The following RIPK4 variants were observed in gnomAD, a reference collection of about 807,000 sequenced individuals.
RIPK4 encodes the protein receptor-interacting serine/threonine-protein kinase 4.
A neutral mutation model predicts 42.9 loss-of-function variants in RIPK4; 17 were observed. The observed-to-expected ratio is 0.40, with a 90% CI of 0.27 to 0.59. The LOEUF (loss-of-function observed/expected upper bound fraction) is 0.59, where lower values mean the gene tolerates loss of function less well. RIPK4 is among the 20% of genes least tolerant of loss of function. The pLI is 0.47. For synonymous variants in RIPK4, 498 were observed against 499.1 expected (o/e 1.00, Z 0.03); for missense variants, 897 against 1,104.4 (o/e 0.81, Z 2.66).
chr21:41,740,906 G>A lies in RIPK4; in HGVS notation c.2287C>T (p.Leu763=). Residue 763 remains leucine, a synonymous_variant, in exon 8 of 8, where the codon CTG becomes TTG. Transcript: ENST00000332512. ...CCGCCCTGGAACTTGAGGCTCTGCA[G>A]GTTGATGTGGGCCCCATGCCTGAGC... ...TLLRHGAHIN[L]QSLKFQGGHG... is the part of the protein sequence containing the mutation. 3 of 1,612,550 alleles carry A rather than the reference G, an allele frequency of 1.9e-6. No individual in the cohort carries two copies. The highest frequency in any genetic ancestry group is 2.5e-6 in the Non-Finnish European group (3 of 1,179,790).
rs563318460 is a variant in RIPK4 at position 41,750,387 on chromosome 21, A to C, written c.623+710T>G. ...TGACTTGGGGATTGATCTCTGACCA[A>C]CAAAGGTTAAGTGCCATGAAGAAGA... On this transcript the variant is annotated intron_variant, in intron 3 of 7. Transcript: ENST00000332512. 3.3e-5 allele frequency among the ~76,000 whole-genome samples: 5 copies of C among 152,372 alleles called. No individual in the cohort carries two copies. In the South Asian group the frequency reaches 1.0e-3, roughly 32 times the overall value.
chr21:41,766,325 A>G (rs952224858), intron 1 of RIPK4, among the ~76,000 whole-genome samples: 1 of 152,190 alleles, frequency 6.6e-6, no homozygotes, highest in African/African-American at 2.4e-5. Context: ...GTCTTACACC[A>G]ATTTGTGTTC....
At chr21:41,762,874 C>T (rs1400734421) in intron 1 of RIPK4, among the ~76,000 whole-genome samples, 1 of 152,184 alleles carries the variant, frequency 6.6e-6, no homozygotes, top group African/African-American at 2.4e-5. Flanking sequence ...CAGTCACATT[C>T]GCACCGTCTC....
At position 41,749,573 on chromosome 21, in the gene RIPK4, T is replaced by C. The variant is rs2061182219; in HGVS notation, c.624-370A>G. Among the ~76,000 whole-genome samples, 3 of 152,140 alleles carry C rather than the reference T, an allele frequency of 2.0e-5. No individual in the cohort carries two copies. The South Asian group carries it at 6.2e-4, about 31-fold the overall frequency. On this transcript the variant is annotated intron_variant, in intron 3 of 7. Transcript: ENST00000332512. ...ACAGAGCACCTGCGCAGGCATTTAC[T>C]GAAGAAATGGATGAATGAATGATGG...
intron 1 of RIPK4, among the ~76,000 whole-genome samples, chr21:41,760,765 G>T (rs1003741974): frequency 3.3e-5 from 5 of 152,130 alleles, no homozygotes; most frequent in Admixed American, 6.5e-5. Context: ...TGGGGGGTGT[G>T]GGGGGTGGGC....
rs140754515 is a variant in RIPK4, at chr21:41,742,508, C to G, written c.1196-511G>C. 2.0e-5 allele frequency among the ~76,000 whole-genome samples: 3 copies of G among 152,096 alleles called. No homozygotes were observed. The highest frequency in any genetic ancestry group is 7.2e-5 in the African/African-American group (3 of 41,412). On this transcript the variant is annotated intron_variant, in intron 7 of 7. Transcript: ENST00000332512. This position sits in a 1 kb window ranked among gnomAD's most constrained non-coding sequence, Gnocchi z 5.1. Reference sequence around the variant, plus strand: ...ACCTCCTGACCTGGGGAGGTTAAGTCGGAAGTTTTCTATGATAATCCTGAA... The same window carrying G: ...ACCTCCTGACCTGGGGAGGTTAAGTGGGAAGTTTTCTATGATAATCCTGAA...
intron 1 of RIPK4, among the ~76,000 whole-genome samples, chr21:41,762,186 GA>G (rs924644384): frequency 1.3e-5 from 2 of 151,260 alleles, no homozygotes; most frequent in South Asian, 2.1e-4. Flanking sequence ...AGCTGTCCTG[GA>G]AAAAAAAAGT....
intron 6 of RIPK4, among the ~76,000 whole-genome samples, chr21:41,744,916 G>GT (rs2061166100): frequency 6.6e-6 from 1 of 152,206 alleles, no homozygotes; most frequent in Admixed American, 6.5e-5. Context: ...TTTCTGGTGG[G>GT]TAAGTGGAAT....
chr21:41,766,730 T>G, intron 1 of RIPK4, 130 bp downstream of exon 1: 58 of 951,908 alleles, frequency 6.1e-5, no homozygotes, highest in Non-Finnish European at 6.9e-5. Context: ...TCGCCGGCAA[T>G]TGGTTTCCCC....
At chr21:41,750,231 G>A (rs999671180) in intron 3 of RIPK4, among the ~76,000 whole-genome samples, 21 of 152,210 alleles carry the variant, frequency 1.4e-4, no homozygotes, top group Admixed American at 5.2e-4. Context: ...TGCGGGGTCC[G>A]AGTCACAGTG....
rs2061145488 is a variant in RIPK4 at position 41,739,384 on chromosome 21, A to C, written c.*1454T>G. 1 of 152,256 alleles carries C rather than the reference A, an allele frequency of 6.6e-6. No individual in the cohort carries two copies. Among genetic ancestry groups the C allele is most frequent in the Admixed American group, 6.5e-5 (1 of 15,292 alleles). The allele number at this position is 152,256 out of a possible 1,614,324, so 9.4% of individuals were successfully genotyped here. On this transcript the variant is annotated 3_prime_UTR_variant, in exon 8 of 8. Transcript: ENST00000332512. ...CAGTCTCAACCAGCTTCAAAAAAGT[A>C]GGCAAGTACTTTGCTTTATTGACAT...
In RIPK4 at chr21:41,740,506, A is replaced by T. The variant is rs1346054100; in HGVS notation, c.*332T>A. ...AACCCAAGGTGGCTCGCCTCAGGAGAGAGTGGATGCTTCCACGCCTGGGGC... is the reference window on the plus strand; with the variant it reads ...AACCCAAGGTGGCTCGCCTCAGGAGTGAGTGGATGCTTCCACGCCTGGGGC... On this transcript the variant is annotated 3_prime_UTR_variant, in exon 8 of 8. Transcript: ENST00000332512. 4 of 313,198 alleles carry T rather than the reference A, an allele frequency of 1.3e-5. No individual in the cohort carries two copies. The highest frequency in any genetic ancestry group is 2.3e-5 in the Non-Finnish European group (4 of 170,542). The allele number at this position is 313,198 out of a possible 1,614,324, so 19.4% of individuals were successfully genotyped here.
In RIPK4 at chr21:41,742,199, T is replaced by C. The variant is rs1326797455; in HGVS notation, c.1196-202A>G. On this transcript the variant is annotated intron_variant, in intron 7 of 7. Transcript: ENST00000332512. The surrounding 1 kb of genome is among the most constrained non-coding windows in gnomAD (Gnocchi z 5.1). ...GGGAGCCCCGGGGCAGGCTGGCGAA[T>C]GTCTCCCAGGTGCTCGTTAGTCGGT... is the stretch of plus-strand genomic sequence containing the variant. Among the ~76,000 whole-genome samples, 3 of 152,184 alleles carry C rather than the reference T, an allele frequency of 2.0e-5. No homozygotes were observed. The highest frequency in any genetic ancestry group is 4.4e-5 in the Non-Finnish European group (3 of 68,016).
chr21:41,761,744 A>G (rs2061220964), intron 1 of RIPK4, among the ~76,000 whole-genome samples: 1 of 152,364 alleles, frequency 6.6e-6, no homozygotes, highest in African/African-American at 2.4e-5. Flanking sequence ...TGTCAATCAA[A>G]GGAAGGCTGA....
Position 41,746,598 on chromosome 21 carries a change from C to T in RIPK4, c.832+15G>A, listed in dbSNP as rs766489200. ...ACACCCACAGAATGTGGCGGGGAGA[C>T]CCCGGGGTGCTCACCTTGGAAGGTG... On this transcript the variant is annotated intron_variant, in intron 5 of 7. Transcript: ENST00000332512. 3.1e-6 allele frequency: 5 copies of T among 1,601,160 alleles called. No homozygotes were observed. The Admixed American group carries it at 6.8e-5, about 22-fold the overall frequency.
rs1451185622 is a variant in RIPK4, at chr21:41,767,036, C to T, written c.6G>A (p.Glu2=). The T allele has an allele frequency of 1.9e-6, 3 of 1,571,858 alleles. No homozygotes were observed. Among genetic ancestry groups the T allele is most frequent in the Admixed American group, 1.8e-5 (1 of 55,370 alleles). ...GGGCCCATGGGGTCCCGCCGTCGCC[C>T]TCCATCGCGCACGTCTAGCCAGCGC... The part of the protein sequence containing the change: M[E]GDGGTPWALA... The change falls in exon 1 of 8, where the codon GAG becomes GAA. Residue 2 remains glutamate (E), a synonymous_variant. Transcript: ENST00000332512. The surrounding 1 kb of genome is among the most constrained non-coding windows in gnomAD (Gnocchi z 4.0).
At chr21:41,762,179 T>C (rs764286900) in intron 1 of RIPK4, among the ~76,000 whole-genome samples, 1 of 152,222 alleles carries the variant, frequency 6.6e-6, no homozygotes, top group East Asian at 1.9e-4. Flanking sequence ...GAAAATCAGC[T>C]GTCCTGGAAA....
At chr21:41,763,213 G>T (rs1405278851) in intron 1 of RIPK4, among the ~76,000 whole-genome samples, 1 of 152,184 alleles carries the variant, frequency 6.6e-6, no homozygotes, top group East Asian at 1.9e-4. Context: ...GATACGGTGA[G>T]TAGCACTTAG....
At chr21:41,744,197 G>A (rs1312972535) in intron 6 of RIPK4, 57 bp from the exon 7 acceptor site, 8 of 1,479,980 alleles carry the variant, frequency 5.4e-6, no homozygotes, top group African/African-American at 4.2e-5. Context: ...CGCATGGCCC[G>A]CCCATGACAC....
Sources: allele counts gnomAD v4.1 joint callset (sites outside exome capture counted in the v4.1 genomes callset), GRCh38; gene constraint gnomAD v4.1.1; non-coding constraint Gnocchi (gnomAD v3.1); transcripts MANE v1.5; gene names NCBI Gene and HGNC (gene_info 2026-07-23, HGNC 2026-07-21).